The following NR5A2 variants were observed in gnomAD, a reference collection of about 807,000 sequenced individuals.
NR5A2 encodes CYP7A promoter-binding factor.
In NR5A2, 26 loss-of-function variants were observed where a neutral mutation model predicts 62.7. The ratio of observed to expected loss-of-function variants is 0.41; its 90% CI spans 0.30 to 0.58. The LOEUF is 0.58. NR5A2 is among the 20% of genes least tolerant of loss of function. The probability of loss-of-function intolerance (pLI) is 0.22; values close to 1 mark genes in which losing one functional copy is unlikely to be tolerated. For missense variants in NR5A2, 541 were observed against 669.1 expected, an observed-to-expected ratio of 0.81 and a Z score of 2.11; for synonymous variants, 246 against 241.7, an observed-to-expected ratio of 1.02 and a Z score of -0.16.
Position 200,173,289 on chromosome 1 carries a change from G to T in NR5A2, c.1379-674G>T, listed in dbSNP as rs559719116. 2.8e-4 allele frequency among the ~76,000 whole-genome samples: 43 copies of T among 152,304 alleles called. No individual in the cohort carries two copies. The South Asian group carries it at 7.7e-3, about 27-fold the overall frequency. ...TTAGAAACTACATGCAGGTTAAAGG[G>T]CACTGACCATCCTGGCTTGTGTTCT... On this transcript the variant is annotated intron_variant, in intron 7 of 7. Coordinates refer to ENST00000367362, the MANE Select transcript of NR5A2 (RefSeq NM_205860.3).
At chr1:200,106,116 G>A (rs934359818) in intron 5 of NR5A2, among the ~76,000 whole-genome samples, 8 of 150,452 alleles carry the variant, frequency 5.3e-5, no homozygotes, top group Admixed American at 1.3e-4. Context: ...GGAGGGCAGT[G>A]GTGCCATCTC....
intron 5 of NR5A2, among the ~76,000 whole-genome samples, chr1:200,088,860 C>T (rs1303383320): frequency 1.3e-5 from 2 of 152,190 alleles, no homozygotes; most frequent in Non-Finnish European, 1.5e-5. Context: ...TTAGCCACAT[C>T]TTCTCAGCCC....
At chr1:200,138,853 C>T (rs189728913) in intron 7 of NR5A2, among the ~76,000 whole-genome samples, 21 of 152,246 alleles carry the variant, frequency 1.4e-4, no homozygotes, top group East Asian at 1.4e-3. Flanking sequence ...GTAGTCCCTC[C>T]ACCTTTTATT....
chr1:200,155,616 C>A (rs1203543262), intron 7 of NR5A2, among the ~76,000 whole-genome samples: 1 of 152,136 alleles, frequency 6.6e-6, no homozygotes, highest in Non-Finnish European at 1.5e-5. Context: ...CAAAGCTATT[C>A]CTGATTTCCT....
At chr1:200,032,118 C>T (rs1265061367) in intron 1 of NR5A2, among the ~76,000 whole-genome samples, 5 of 152,318 alleles carry the variant, frequency 3.3e-5, no homozygotes, top group Admixed American at 2.0e-4. Flanking sequence ...AACTTCACTC[C>T]GCAGCTCTAG....
chr1:200,147,733 A>G lies in NR5A2; in HGVS notation c.1379-26230A>G, dbSNP rs371271350. Reference sequence around the variant, plus strand: ...CAGCTCCTCCCTGAGCGCCTCTCCCACGTCCACGGTGAAGACGCGGATGCC... The same window carrying G: ...CAGCTCCTCCCTGAGCGCCTCTCCCGCGTCCACGGTGAAGACGCGGATGCC... On this transcript the variant is annotated intron_variant, in intron 7 of 7. Transcript: ENST00000367362. This position sits in a 1 kb window ranked among gnomAD's most constrained non-coding sequence, Gnocchi z 4.9. 5.8e-5 allele frequency: 34 copies of G among 590,692 alleles called. No individual in the cohort carries two copies. The East Asian group carries it at 8.0e-4, about 14-fold the overall frequency. The allele number at this position is 590,692 out of a possible 1,614,324, so 36.6% of individuals were successfully genotyped here. A position where few individuals can be genotyped will look rare whatever the true frequency, so the allele number is the denominator to read the frequency against.
In NR5A2 at chr1:200,039,583, G is replaced by A; in HGVS notation, c.65-75G>A. 6 of 1,593,612 alleles carry A rather than the reference G, an allele frequency of 3.8e-6. No homozygotes were observed. Among genetic ancestry groups the A allele is most frequent in the Non-Finnish European group, 5.1e-6 (6 of 1,169,380 alleles). Reference sequence around the variant, plus strand: ...GGAGGCACGCTCCGGCGAGGCGAGAGGGTTGGGTTAGCAGGCATCCCGGTC... The same window carrying A: ...GGAGGCACGCTCCGGCGAGGCGAGAAGGTTGGGTTAGCAGGCATCCCGGTC... On this transcript the variant is annotated intron_variant, in intron 1 of 7. Transcript: ENST00000367362. This position sits in a 1 kb window ranked among gnomAD's most constrained non-coding sequence, Gnocchi z 5.1.
At chr1:200,068,438 A>C (rs1170673333) in intron 5 of NR5A2, among the ~76,000 whole-genome samples, 2 of 152,010 alleles carry the variant, frequency 1.3e-5, no homozygotes, top group Non-Finnish European at 1.5e-5. Flanking sequence ...TACTTAATTT[A>C]CTTCTAGTCA....
Position 200,039,796 on chromosome 1 carries a change from G to C in NR5A2, c.202+1G>C. 1 of 1,594,918 alleles carries C rather than the reference G, an allele frequency of 6.3e-7. No homozygotes were observed. Among genetic ancestry groups the C allele is most frequent in the Non-Finnish European group, 8.5e-7 (1 of 1,172,150 alleles). On this transcript the variant is annotated splice_donor_variant, in intron 2 of 7. Coordinates refer to ENST00000367362, the MANE Select transcript of NR5A2 (RefSeq NM_205860.3). LOFTEE classifies it high-confidence loss of function. The surrounding 1 kb of genome is among the most constrained non-coding windows in gnomAD (Gnocchi z 5.1). ...GGCCAGATGCCGGAAAACATGCAAG[G>C]TAAGGAGGCGCCGCGCGGCGCTCCG...
intron 5 of NR5A2, among the ~76,000 whole-genome samples, chr1:200,090,945 C>T (rs1471262612): frequency 6.6e-6 from 1 of 152,190 alleles, no homozygotes; most frequent in African/African-American, 2.4e-5. Flanking sequence ...AACCTGTGTT[C>T]TGGTGCCATC....
At chr1:200,170,479 A>G (rs1338056450) in intron 7 of NR5A2, among the ~76,000 whole-genome samples, 1 of 152,240 alleles carries the variant, frequency 6.6e-6, no homozygotes, top group Non-Finnish European at 1.5e-5. Context: ...ATACAAGTGA[A>G]CCACATAAAT....
chr1:200,101,825 A>C (rs1016405760), intron 5 of NR5A2, among the ~76,000 whole-genome samples: 5 of 152,240 alleles, frequency 3.3e-5, no homozygotes, highest in African/African-American at 1.2e-4. Flanking sequence ...TATTTCAACA[A>C]GAAGCTTTTT....
intron 7 of NR5A2, among the ~76,000 whole-genome samples, chr1:200,145,618 G>A (rs1360896767): frequency 6.6e-6 from 1 of 152,000 alleles, no homozygotes; most frequent in East Asian, 1.9e-4. Flanking sequence ...AGGTTCTTAT[G>A]TTGCAGGTTT....
intron 5 of NR5A2, among the ~76,000 whole-genome samples, chr1:200,049,837 A>C (rs1057117853): frequency 6.6e-6 from 1 of 152,238 alleles, no homozygotes; most frequent in Non-Finnish European, 1.5e-5. Context: ...TTTAAGAGTT[A>C]CTGTTAAAAA....
At chr1:200,049,680 A>G (rs1350469501) in intron 5 of NR5A2, among the ~76,000 whole-genome samples, 1 of 152,186 alleles carries the variant, frequency 6.6e-6, no homozygotes, top group African/African-American at 2.4e-5. Flanking sequence ...TTGATTTCCA[A>G]GTATATTTTG....
chr1:200,171,622 G>GC (rs1654184857), intron 7 of NR5A2, among the ~76,000 whole-genome samples: 16 of 152,156 alleles, frequency 1.1e-4, no homozygotes, highest in Admixed American at 8.5e-4. Flanking sequence ...GGTGACACAA[G>GC]TCTGTAACCC....
At position 200,144,313 on chromosome 1, in the gene NR5A2, T is replaced by A. The variant is rs184792840; in HGVS notation, c.1378+23358T>A. On this transcript the variant is annotated intron_variant, in intron 7 of 7. Coordinates refer to ENST00000367362, the MANE Select transcript of NR5A2 (RefSeq NM_205860.3). ...CAGGATCTCCTAAAGCCTTGTGCCG[T>A]GGGTCTCCGGTCTGCCTTTCCAAGT... 4.3e-3 allele frequency among the ~76,000 whole-genome samples: 660 copies of A among 151,782 alleles called. 1 individual carries two copies. The highest frequency in any genetic ancestry group is 7.1e-3 in the Non-Finnish European group (480 of 67,964).
At chr1:200,046,119 G>T (rs745839488) in intron 4 of NR5A2, among the ~76,000 whole-genome samples, 14 of 152,084 alleles carry the variant, frequency 9.2e-5, no homozygotes, top group Admixed American at 2.6e-4. Flanking sequence ...GTGTAGAAAT[G>T]TATTTTTTTA....
rs538146947 is a variant in NR5A2 at position 200,064,574 on chromosome 1, G to A, written c.1110+15756G>A. Among the ~76,000 whole-genome samples, 8 of 152,222 alleles carry A rather than the reference G, an allele frequency of 5.3e-5. No individual in the cohort carries two copies. The South Asian group carries it at 1.5e-3, about 28-fold the overall frequency. On this transcript the variant is annotated intron_variant, in intron 5 of 7. Coordinates refer to ENST00000367362, the MANE Select transcript of NR5A2 (RefSeq NM_205860.3). ...AGGTGAGCAGCTCATTTATACATACGGTTCTAATATGGATTTTATTCAAAG... is the reference window on the plus strand; with the variant it reads ...AGGTGAGCAGCTCATTTATACATACAGTTCTAATATGGATTTTATTCAAAG...
Sources: gnomAD v4.1 joint callset for allele counts (sites outside exome capture counted in the v4.1 genomes callset) on GRCh38, gnomAD v4.1.1 for gene constraint, Gnocchi (gnomAD v3.1) non-coding constraint, MANE v1.5 for transcripts, NCBI Gene and HGNC (gene_info 2026-07-23, HGNC 2026-07-21) for gene names.